SH3KBP1: variants seen among roughly 807,000 people sequenced by gnomAD.
SH3KBP1 encodes the protein SH3 domain containing kinase binding protein 1.
SH3KBP1 carries 8 observed loss-of-function variants against 50.1 expected under a neutral mutation model. The ratio of observed to expected loss-of-function variants is 0.16; its 90% CI spans 0.09 to 0.29. The LOEUF (loss-of-function observed/expected upper bound fraction) is 0.29. Among genes scored for constraint, SH3KBP1 ranks in the 10% least tolerant of loss-of-function variants. The pLI is 1.00. For missense variants in SH3KBP1, 377 were observed against 535.2 expected (o/e 0.70, Z 2.92); for synonymous variants, 227 against 218.6 (o/e 1.04, Z -0.34).
At chrX:19,634,834 T>C (rs1243152307) in intron 7 of SH3KBP1, among the ~76,000 whole-genome samples, 1 of 111,487 alleles carries the variant, frequency 9.0e-6, no homozygotes, top group South Asian at 3.8e-4. Context: ...GCAGGACACT[T>C]AGCAAATTTC....
chrX:19,675,409 C>CT (rs746659249), intron 6 of SH3KBP1, among the ~76,000 whole-genome samples: 265 of 99,523 alleles, frequency 2.7e-3, no homozygotes, highest in Middle Eastern at 5.2e-3. Flanking sequence ...AACCACTATA[C>CT]TTTTTTTTTT....
intron 2 of SH3KBP1, among the ~76,000 whole-genome samples, chrX:19,781,175 C>T (rs753433310): frequency 1.8e-5 from 2 of 111,501 alleles, no homozygotes; most frequent in East Asian, 5.6e-4. Context: ...ATCAATATAG[C>T]AGATACAATG....
chrX:19,695,004 C>T (rs377335027), intron 5 of SH3KBP1: 207 of 1,198,482 alleles, frequency 1.7e-4, no homozygotes, highest in Non-Finnish European at 5.3e-5. Flanking sequence ...CCTTTTGCTC[C>T]GTGAGCTGGA....
intron 2 of SH3KBP1, among the ~76,000 whole-genome samples, chrX:19,796,870 T>C (rs1196161517): frequency 8.9e-6 from 1 of 112,072 alleles, no homozygotes; most frequent in Non-Finnish European, 1.9e-5. Context: ...GCTCCCAAAG[T>C]GCCAGAGCAG....
intron 1 of SH3KBP1, among the ~76,000 whole-genome samples, chrX:19,847,294 A>G (rs979007498): frequency 9.0e-6 from 1 of 111,562 alleles, no homozygotes; most frequent in Non-Finnish European, 1.9e-5. Context: ...CAAAAGGGAC[A>G]TGTAAAACAG....
chrX:19,814,627 T>C (rs1476040695), intron 2 of SH3KBP1, among the ~76,000 whole-genome samples: 1 of 111,684 alleles, frequency 9.0e-6, no homozygotes, highest in Non-Finnish European at 1.9e-5. Flanking sequence ...CCCACAAAGT[T>C]CTTCCTCACA....
intron 3 of SH3KBP1, among the ~76,000 whole-genome samples, chrX:19,729,911 C>T (rs1447323267): frequency 5.4e-5 from 6 of 111,779 alleles, no homozygotes; most frequent in Non-Finnish European, 1.9e-5. Context: ...TATATGTATA[C>T]GTATGAAATA....
chrX:19,584,502 A>T (rs944576078), intron 12 of SH3KBP1, among the ~76,000 whole-genome samples: 10 of 107,007 alleles, frequency 9.3e-5, no homozygotes, highest in Non-Finnish European at 1.3e-4. Flanking sequence ...CATAATTTTT[A>T]AAAATTTTTT....
chrX:19,564,822 T>C (rs1394233875), intron 13 of SH3KBP1, among the ~76,000 whole-genome samples: 1 of 110,212 alleles, frequency 9.1e-6, no homozygotes, highest in Non-Finnish European at 1.9e-5. Flanking sequence ...GGCTGGGTCA[T>C]TCTTTGTTGT....
intron 2 of SH3KBP1, among the ~76,000 whole-genome samples, chrX:19,782,842 C>G (rs947844829): frequency 9.0e-6 from 1 of 111,577 alleles, no homozygotes; most frequent in South Asian, 3.7e-4. Context: ...TGCGGTGGCT[C>G]ATGCCTGTAA....
chrX:19,871,974 G>C (rs969712073), intron 1 of SH3KBP1, among the ~76,000 whole-genome samples: 3 of 110,597 alleles, frequency 2.7e-5, no homozygotes, highest in Non-Finnish European at 1.9e-5. Context: ...AATGGTGGCC[G>C]GGCACGGTGG....
chrX:19,753,365 CAGG>C (rs770446604), intron 2 of SH3KBP1, among the ~76,000 whole-genome samples: 1 of 112,153 alleles, frequency 8.9e-6, no homozygotes, highest in African/African-American at 3.2e-5. Flanking sequence ...TTACCACTGG[CAGG>C]AGATTTTTAA....
chrX:19,620,253 G>A (rs990529670), intron 8 of SH3KBP1, among the ~76,000 whole-genome samples: 4 of 112,070 alleles, frequency 3.6e-5, no homozygotes, highest in Non-Finnish European at 5.6e-5. Flanking sequence ...AAAGGAGAAG[G>A]TGGTATTCTT....
intron 2 of SH3KBP1, among the ~76,000 whole-genome samples, chrX:19,812,929 C>G (rs1026941598): frequency 3.6e-5 from 4 of 110,611 alleles, no homozygotes; most frequent in African/African-American, 1.3e-4. Context: ...GAGCCAAAAT[C>G]GCACCACTGC....
At chrX:19,854,339 A>G (rs1168319674) in intron 1 of SH3KBP1, among the ~76,000 whole-genome samples, 2 of 109,766 alleles carry the variant, frequency 1.8e-5, no homozygotes, top group Non-Finnish European at 3.8e-5. Context: ...CTAGTCTCAA[A>G]CTCCTGACCT....
chrX:19,652,616 A>G (rs1205917880), intron 6 of SH3KBP1, among the ~76,000 whole-genome samples: 1 of 112,371 alleles, frequency 8.9e-6, no homozygotes, highest in Non-Finnish European at 1.9e-5. Flanking sequence ...TAATCAATTC[A>G]TCACAGCATA....
chrX:19,871,373 A>G (rs2069036749), intron 1 of SH3KBP1, among the ~76,000 whole-genome samples: 1 of 112,597 alleles, frequency 8.9e-6, no homozygotes, highest in Admixed American at 9.4e-5. Context: ...ATTCCAATAC[A>G]CAGCAGTATT....
Position 19,594,970 on chromosome X carries a change from G to A in SH3KBP1, c.1036C>T (p.Pro346Ser), listed in dbSNP as rs370075003. The change falls in exon 10 of 18, where the codon CCT becomes TCT. Residue 346 changes from proline to serine, a missense_variant. By Grantham distance (74) the Pro-to-Ser change is moderately conservative (BLOSUM62 -1). Coordinates refer to ENST00000397821, the MANE Select transcript of SH3KBP1 (RefSeq NM_031892.3). ...RPKKPPPPSA[P>S]VIKQGAGTTE... ...TTACCTGCCCCTTGTTTGATGACAG[G>A]AGCGGATGGAGGCGGTGGCTTCTTG... 9 of 1,200,989 alleles carry A rather than the reference G, an allele frequency of 7.5e-6. No individual in the cohort carries two copies. Among genetic ancestry groups the A allele is most frequent in the East Asian group, 5.9e-5 (2 of 33,754 alleles).
intron 12 of SH3KBP1, among the ~76,000 whole-genome samples, chrX:19,587,784 A>G (rs185355006): frequency 5.3e-5 from 6 of 112,336 alleles, no homozygotes; most frequent in African/African-American, 1.6e-4. Flanking sequence ...AAGCCCATGC[A>G]ACTTTCACCA....
Sources: gnomAD v4.1 joint callset for allele counts (sites outside exome capture counted in the v4.1 genomes callset) on GRCh38, gnomAD v4.1.1 for gene constraint, MANE v1.5 for transcripts, NCBI Gene and HGNC (gene_info 2026-07-23, HGNC 2026-07-21) for gene names.